Variants in IVNS1ABP observed in about 807,000 individuals in gnomAD.
IVNS1ABP encodes influenza virus NS1A binding protein, also known as influenza virus NS1A-binding protein.
In IVNS1ABP, 25 loss-of-function variants were observed where a neutral mutation model predicts 78.9. That is an observed-to-expected ratio of 0.32 (90% confidence interval 0.23 to 0.44). The LOEUF is 0.44. Among genes scored for constraint, IVNS1ABP ranks in the 20% least tolerant of loss-of-function variants. The pLI is 1.00. For synonymous variants in IVNS1ABP, 241 were observed against 259.7 expected (o/e 0.93, Z 0.69); for missense variants, 494 against 768.9 (o/e 0.64, Z 4.23).
At chr1:185,309,304 AAAAG>A (rs1665824339) in intron 3 of IVNS1ABP, 75 bp downstream of exon 3, 1 of 1,255,272 alleles carries the variant, frequency 8.0e-7, no homozygotes, top group Non-Finnish European at 1.1e-6. Context: ...ATGCCTATGA[AAAAG>A]AAATAAGCAA....
In IVNS1ABP at chr1:185,311,210, G is replaced by A. The variant is rs1171966716; in HGVS notation, c.-134C>T. ...AGACAGGTGGTTGAAATGAAGGCAG[G>A]TGTGTCTTAAGCTCTAATGGTGATT... On this transcript the variant is annotated 5_prime_UTR_variant, in exon 2 of 15. Coordinates refer to ENST00000367498, the MANE Select transcript of IVNS1ABP (RefSeq NM_006469.5). The A allele has an allele frequency of 2.5e-6, 1 of 395,216 alleles. No individual in the cohort carries two copies. The highest frequency in any genetic ancestry group is 1.3e-4 in the South Asian group (1 of 7,826). 24.5% of individuals were successfully genotyped at this position (395,216 alleles called of 1,614,324 possible).
intron 1 of IVNS1ABP, among the ~76,000 whole-genome samples, chr1:185,313,083 A>G (rs1665927713): frequency 6.6e-6 from 1 of 152,194 alleles, no homozygotes; most frequent in South Asian, 2.1e-4. Context: ...AAAAATAAAA[A>G]TGGTATCCAC....
At position 185,308,828 on chromosome 1, in the gene IVNS1ABP, T is replaced by C. The variant is rs1325386127; in HGVS notation, c.329A>G (p.Lys110Arg). 5.0e-6 allele frequency: 8 copies of C among 1,610,348 alleles called. No homozygotes were observed. The highest frequency in any genetic ancestry group is 6.8e-6 in the Non-Finnish European group (8 of 1,179,626). Residue 110 changes from lysine to arginine, a missense_variant, in exon 5 of 15, where the codon AAA becomes AGA. Lys to Arg is a conservative substitution (Grantham distance 26). Transcript: ENST00000367498. Reference sequence around the variant, plus strand: ...CTTTACTCGATCCATCTTCAGCTTTTTTGCTGCAGAATAAACATCTTTTAC... The same window carrying C: ...CTTTACTCGATCCATCTTCAGCTTTCTTGCTGCAGAATAAACATCTTTTAC... ...ELVKDVYSAA[K>R]KLKMDRVKQV...
In IVNS1ABP at chr1:185,297,324, G is replaced by C. The variant is rs548841974; in HGVS notation, c.*711C>G. The C allele has an allele frequency of 6.6e-6, 1 of 152,012 alleles. No individual in the cohort carries two copies. Among genetic ancestry groups the C allele is most frequent in the Non-Finnish European group, 1.5e-5 (1 of 68,006 alleles). The allele number at this position is 152,012 out of a possible 1,614,324, so 9.4% of individuals were successfully genotyped here. On this transcript the variant is annotated 3_prime_UTR_variant, in exon 15 of 15. Coordinates refer to ENST00000367498, the MANE Select transcript of IVNS1ABP (RefSeq NM_006469.5). ...AGTAACTCCACTCAAATAAATGTTA[G>C]TACTGCATTCTTGAAGGAAAAAAAC...
intron 7 of IVNS1ABP, chr1:185,306,147 AATAC>A: frequency 5.6e-6 from 1 of 179,930 alleles, no homozygotes; most frequent in South Asian, 1.0e-4. Flanking sequence ...GACAGATGCA[AATAC>A]ATGGCAAATG....
chr1:185,313,852 G>C (rs750289050), intron 1 of IVNS1ABP, among the ~76,000 whole-genome samples: 2 of 152,100 alleles, frequency 1.3e-5, no homozygotes, highest in Non-Finnish European at 2.9e-5. Flanking sequence ...GATAAATTCA[G>C]CATACTTCTA....
At chr1:185,306,433 C>T (rs1232382252) in intron 7 of IVNS1ABP, 3 of 1,274,308 alleles carry the variant, frequency 2.4e-6, no homozygotes, top group East Asian at 5.7e-5. Flanking sequence ...TGAACAACAC[C>T]ATTGAAAAAC....
chr1:185,308,899 T>C, intron 4 of IVNS1ABP, 24 bp from the exon 5 acceptor site: 3 of 1,591,496 alleles, frequency 1.9e-6, no homozygotes, highest in East Asian at 2.2e-5. Context: ...AAGTTACTTA[T>C]GATACCAAAG....
rs1292431140 is a variant in IVNS1ABP at position 185,297,551 on chromosome 1, C to G, written c.*484G>C. ...TAAATATTGGTAGGCATGTAAGCTT[C>G]CTTTTAATAAAAACAAAAATAGTCA... On this transcript the variant is annotated 3_prime_UTR_variant, in exon 15 of 15. Transcript: ENST00000367498. 6.5e-6 allele frequency: 1 copy of G among 153,916 alleles called. No individual in the cohort carries two copies. Among genetic ancestry groups the G allele is most frequent in the Non-Finnish European group, 1.4e-5 (1 of 68,972 alleles). 9.5% of individuals were successfully genotyped at this position (153,916 alleles called of 1,614,324 possible). A position where few individuals can be genotyped will look rare whatever the true frequency, so the allele number is the denominator to read the frequency against.
intron 7 of IVNS1ABP, chr1:185,306,379 A>T: frequency 1.1e-6 from 1 of 940,684 alleles, no homozygotes; most frequent in Middle Eastern, 2.8e-4. Flanking sequence ...TATCTTGTGT[A>T]TTTTTTTTAA....
At chr1:185,316,329 C>T (rs1365929126) in intron 1 of IVNS1ABP, among the ~76,000 whole-genome samples, 1 of 152,194 alleles carries the variant, frequency 6.6e-6, no homozygotes, top group Non-Finnish European at 1.5e-5. Context: ...TCCCTCCCTC[C>T]TCCCGCCCCC....
intron 1 of IVNS1ABP, among the ~76,000 whole-genome samples, chr1:185,313,323 A>C (rs1323145110): frequency 6.6e-6 from 1 of 152,206 alleles, no homozygotes; most frequent in Non-Finnish European, 1.5e-5. Context: ...TTTTTAGTAC[A>C]TCAAGGTCAT....
chr1:185,301,206 C>A lies in IVNS1ABP; in HGVS notation c.896-10G>T, dbSNP rs1571739894. 4 of 1,601,408 alleles carry A rather than the reference C, an allele frequency of 2.5e-6. No individual in the cohort carries two copies. The highest frequency in any genetic ancestry group is 4.5e-5 in the East Asian group (2 of 44,778). On this transcript the variant is annotated splice_polypyrimidine_tract_variant and intron_variant, in intron 9 of 14. Transcript: ENST00000367498. ...CACAAGTAAGTGTTATCTGTAAGCACAAGAGTTCCATGTTTAAGATGTAAT... is the reference window on the plus strand; with the variant it reads ...CACAAGTAAGTGTTATCTGTAAGCAAAAGAGTTCCATGTTTAAGATGTAAT...
rs200635577 is a variant in IVNS1ABP, at chr1:185,300,098, C to T, written c.1402G>A (p.Val468Ile). 77 of 1,613,200 alleles carry T rather than the reference C, an allele frequency of 4.8e-5. 1 individual carries two copies. Among genetic ancestry groups the T allele is most frequent in the South Asian group, 1.2e-4 (11 of 91,052 alleles). ...TGACCATATGGATCAGAGCCACCAA[C>T]GATGTATAACTTTCCATTCAGAGCA... Reference protein sequence around the residue: ...VCALNGKLYIVGGSDPYGQKG... With the variant: ...VCALNGKLYIIGGSDPYGQKG... The change falls in exon 13 of 15, where the codon GTT becomes ATT. Residue 468 changes from valine to isoleucine, a missense_variant. Physicochemically the swap from Val to Ile is conservative, Grantham distance 29. Transcript: ENST00000367498.
chr1:185,300,639 A>G, intron 10 of IVNS1ABP, 81 bp from the exon 11 acceptor site: 2 of 1,404,978 alleles, frequency 1.4e-6, no homozygotes, highest in South Asian at 1.3e-5. Context: ...AGTTTAAGAA[A>G]TCTGCACAAT....
chr1:185,304,012 C>T (rs542731642), intron 8 of IVNS1ABP, among the ~76,000 whole-genome samples: 1 of 152,192 alleles, frequency 6.6e-6, no homozygotes, highest in South Asian at 2.1e-4. Context: ...TTATGACCTG[C>T]AATTCCAAGA....
In IVNS1ABP at chr1:185,317,098, C is replaced by T. The variant is rs191080771; in HGVS notation, c.-392G>A. On this transcript the variant is annotated 5_prime_UTR_variant, in exon 1 of 15. Coordinates refer to ENST00000367498, the MANE Select transcript of IVNS1ABP (RefSeq NM_006469.5). Reference sequence around the variant, plus strand: ...CAAGTAGAAGGACGAGGGGCCAGTCCGTGGAGACTGAAAGGAAGGGGGAGC... The same window carrying T: ...CAAGTAGAAGGACGAGGGGCCAGTCTGTGGAGACTGAAAGGAAGGGGGAGC... 4.0e-3 allele frequency: 1,613 copies of T among 398,476 alleles called. 6 individuals are homozygous for T. The highest frequency in any genetic ancestry group is 5.7e-3 in the Admixed American group (130 of 22,720). 24.7% of individuals were successfully genotyped at this position (398,476 alleles called of 1,614,324 possible). A position where few individuals can be genotyped will look rare whatever the true frequency, so the allele number is the denominator to read the frequency against.
Position 185,300,552 on chromosome 1 carries a change from T to C in IVNS1ABP, c.1127A>G (p.Tyr376Cys), listed in dbSNP as rs777578199. 3 of 1,612,702 alleles carry C rather than the reference T, an allele frequency of 1.9e-6. No individual in the cohort carries two copies. Among genetic ancestry groups the C allele is most frequent in the Non-Finnish European group, 2.5e-6 (3 of 1,179,246 alleles). The change falls in exon 11 of 15, where the codon TAT becomes TGT. Residue 376 changes from tyrosine to cysteine, a missense_variant. Transcript: ENST00000367498. ...TGTTCGAAGACATTCCTCTCTGTTA[T>C]AGCCACCTGGTAAAAAATAAAACCA... ...MNGKLIAAGGYNREECLRTVE... is the reference protein window; with the variant it reads ...MNGKLIAAGGCNREECLRTVE...
intron 10 of IVNS1ABP, 60 bp from the exon 11 acceptor site, chr1:185,300,618 C>G (rs1665550562): frequency 6.5e-7 from 1 of 1,543,342 alleles, no homozygotes; most frequent in South Asian, 1.2e-5. Flanking sequence ...ACCACGGTTT[C>G]CAGTCCTGTA....
Sources: gnomAD v4.1 joint callset for allele counts (sites outside exome capture counted in the v4.1 genomes callset) on GRCh38, gnomAD v4.1.1 for gene constraint, MANE v1.5 for transcripts, NCBI Gene and HGNC (gene_info 2026-07-23, HGNC 2026-07-21) for gene names.